MYBL1: variants seen among roughly 807,000 people sequenced by gnomAD.
MYBL1 encodes the protein myb-related protein A.
Under a neutral mutation model 96.3 loss-of-function variants are expected in MYBL1, and 17 were observed. The ratio of observed to expected loss-of-function variants is 0.18; its 90% CI spans 0.12 to 0.26. MYBL1 has a LOEUF of 0.26. Among genes scored for constraint, MYBL1 ranks in the 10% least tolerant of loss-of-function variants. The pLI, the probability that MYBL1 is intolerant of heterozygous loss-of-function variation, is 1.00. For missense variants in MYBL1, 701 were observed against 882.9 expected (o/e 0.79, Z 2.61); for synonymous variants, 282 against 292.7 (o/e 0.96, Z 0.37).
At chr8:66,597,830 T>C (rs2129977897) in intron 4 of MYBL1, among the ~76,000 whole-genome samples, 1 of 133,098 alleles carries the variant, frequency 7.5e-6, no homozygotes, top group East Asian at 2.2e-4. Context: ...AACTTGTACA[T>C]TTTCTACTCC....
In MYBL1 at chr8:66,607,505, C is replaced by T. The variant is rs544150077; in HGVS notation, c.21-4982G>A. Among the ~76,000 whole-genome samples the T allele has an allele frequency of 3.3e-5, 5 of 152,246 alleles. No homozygotes were observed. The East Asian group carries it at 9.7e-4, about 29-fold the overall frequency. ...TTTGTAAAACTAATGAACAATCTTC[C>T]CTAATCTTCCAGCTTCACCAAGAGC... is the stretch of plus-strand genomic sequence containing the variant. On this transcript the variant is annotated intron_variant, in intron 1 of 15. Transcript: ENST00000522677.
At chr8:66,597,874 C>T (rs1198996072) in intron 4 of MYBL1, among the ~76,000 whole-genome samples, 4 of 96,588 alleles carry the variant, frequency 4.1e-5, no homozygotes, top group Admixed American at 1.0e-4. Context: ...AAAAAAAAAA[C>T]GCTTCAGCCA....
At chr8:66,572,342 C>A (rs1808769366) in intron 12 of MYBL1, 140 bp downstream of exon 12, 3 of 507,360 alleles carry the variant, frequency 5.9e-6, no homozygotes, top group Admixed American at 3.3e-5. Context: ...AAAAAAAAAC[C>A]TTGAAAATCA....
intron 10 of MYBL1, among the ~76,000 whole-genome samples, chr8:66,574,556 C>T (rs1808860042): frequency 1.3e-5 from 2 of 152,172 alleles, no homozygotes; most frequent in African/African-American, 4.8e-5. Flanking sequence ...TCAAAATATA[C>T]CTCCAATAAT....
rs150353607 is a variant in MYBL1, at chr8:66,567,524, T to TGA, written c.1729-534_1729-533dup. Among the ~76,000 whole-genome samples, 707 of 147,114 alleles carry TGA rather than the reference T, an allele frequency of 4.8e-3. 5 individuals are homozygous for TGA. Among genetic ancestry groups the TGA allele is most frequent in the African/African-American group, 0.016 (624 of 38,284 alleles). On this transcript the variant is annotated intron_variant, in intron 12 of 15. Coordinates refer to ENST00000522677, the MANE Select transcript of MYBL1 (RefSeq NM_001080416.4). ...ACAGTATCCAAGAAGACAGAGAGAGTGAGTGTGTGTGTGTGTGTGTGTGTG... is the reference window on the plus strand; with the variant it reads ...ACAGTATCCAAGAAGACAGAGAGAGTGAGAGTGTGTGTGTGTGTGTGTGTGTG...
chr8:66,580,061 A>G, intron 9 of MYBL1, 72 bp downstream of exon 9: 1 of 1,190,536 alleles, frequency 8.4e-7, no homozygotes, highest in Non-Finnish European at 1.2e-6. Flanking sequence ...TCAATGTCCA[A>G]AACTGAGTTT....
At chr8:66,569,721 G>C (rs1186544134) in intron 12 of MYBL1, among the ~76,000 whole-genome samples, 1 of 152,110 alleles carries the variant, frequency 6.6e-6, no homozygotes, top group African/African-American at 2.4e-5. Flanking sequence ...GAATACAAAT[G>C]TCCTAGAATA....
intron 8 of MYBL1, among the ~76,000 whole-genome samples, chr8:66,582,274 T>A (rs1331671778): frequency 6.6e-6 from 1 of 151,970 alleles, no homozygotes; most frequent in Non-Finnish European, 1.5e-5. Context: ...ATGACCCAAC[T>A]ATATGCTGCC....
At chr8:66,598,137 C>T (rs1347446542) in intron 4 of MYBL1, among the ~76,000 whole-genome samples, 1 of 152,142 alleles carries the variant, frequency 6.6e-6, no homozygotes, top group African/African-American at 2.4e-5. Flanking sequence ...GATATTTTCA[C>T]TATATGTGTC....
At chr8:66,602,986 C>T (rs1269203409) in intron 1 of MYBL1, among the ~76,000 whole-genome samples, 1 of 151,688 alleles carries the variant, frequency 6.6e-6, no homozygotes, top group Non-Finnish European at 1.5e-5. Context: ...ACCTTGTGAT[C>T]TGCCCGACTC....
chr8:66,564,089 A>G lies in MYBL1; in HGVS notation c.*608T>C, dbSNP rs957006420. 1.2e-4 allele frequency: 19 copies of G among 152,472 alleles called. No homozygotes were observed. Among genetic ancestry groups the G allele is most frequent in the African/African-American group, 4.6e-4 (19 of 41,450 alleles). The allele number at this position is 152,472 out of a possible 1,614,324, so 9.4% of individuals were successfully genotyped here. A position where few individuals can be genotyped will look rare whatever the true frequency, so the allele number is the denominator to read the frequency against. On this transcript the variant is annotated 3_prime_UTR_variant, in exon 16 of 16. Coordinates refer to ENST00000522677, the MANE Select transcript of MYBL1 (RefSeq NM_001080416.4). ...GAAAATACTATTTACTAATAAAGAA[A>G]AAACTCTTTTTTGAATGCTTTTTGT...
intron 1 of MYBL1, among the ~76,000 whole-genome samples, chr8:66,611,435 G>C (rs1288475003): frequency 6.6e-6 from 1 of 152,106 alleles, no homozygotes; most frequent in Non-Finnish European, 1.5e-5. Flanking sequence ...TAGAAGGGTG[G>C]TTCTTTCCTG....
intron 3 of MYBL1, among the ~76,000 whole-genome samples, chr8:66,599,567 G>A (rs546543796): frequency 6.3e-4 from 96 of 152,244 alleles, no homozygotes; most frequent in African/African-American, 2.1e-3. Context: ...TTCGGAGGCC[G>A]AGGTGGGTGG....
chr8:66,596,391 C>A (rs1236543285), intron 5 of MYBL1, among the ~76,000 whole-genome samples: 1 of 152,080 alleles, frequency 6.6e-6, no homozygotes, highest in Non-Finnish European at 1.5e-5. Flanking sequence ...AAATCTTCAA[C>A]CTATGGTTAC....
intron 6 of MYBL1, among the ~76,000 whole-genome samples, chr8:66,594,188 G>C (rs1586586512): frequency 6.6e-6 from 1 of 151,636 alleles, no homozygotes; most frequent in Non-Finnish European, 1.5e-5. Context: ...GAAATTGTCT[G>C]CTTTCCGTAA....
intron 1 of MYBL1, chr8:66,612,569 G>A (rs1810574205): frequency 2.5e-6 from 1 of 402,596 alleles, no homozygotes; most frequent in Non-Finnish European, 4.3e-6. Flanking sequence ...ATCTGGACGC[G>A]CATTACGGGG....
chr8:66,580,370 A>C lies in MYBL1; in HGVS notation c.868-4T>G. 1 of 1,562,378 alleles carries C rather than the reference A, an allele frequency of 6.4e-7. No individual in the cohort carries two copies. Among genetic ancestry groups the C allele is most frequent in the Non-Finnish European group, 8.8e-7 (1 of 1,139,158 alleles). ...AGCTAGAAAAACTTCCAGGCTGCTA[A>C]AGGTACAAAAGAAATTTGAATATTA... On this transcript the variant is annotated splice_region_variant and splice_polypyrimidine_tract_variant and intron_variant, in intron 8 of 15. Transcript: ENST00000522677.
chr8:66,566,865 T>C lies in MYBL1; in HGVS notation c.1845+11A>G, dbSNP rs367667261. 26 of 1,596,150 alleles carry C rather than the reference T, an allele frequency of 1.6e-5. 1 individual carries two copies. The African/African-American group carries it at 3.5e-4, about 21-fold the overall frequency. ...ATAAGACTTTTATTAACAATAATAC[T>C]AGAAGATTACCTCTTGTTTGCAGCT... On this transcript the variant is annotated intron_variant, in intron 13 of 15. Transcript: ENST00000522677.
chr8:66,600,123 A>C (rs1810010795), intron 3 of MYBL1, among the ~76,000 whole-genome samples: 1 of 152,240 alleles, frequency 6.6e-6, no homozygotes, highest in Non-Finnish European at 1.5e-5. Flanking sequence ...ATCTGGGTAG[A>C]AACATCTCAA....
Sources: gnomAD v4.1 joint callset for allele counts (sites outside exome capture counted in the v4.1 genomes callset) on GRCh38, gnomAD v4.1.1 for gene constraint, MANE v1.5 for transcripts, NCBI Gene and HGNC (gene_info 2026-07-23, HGNC 2026-07-21) for gene names.